ANO2: variants seen among roughly 807,000 people sequenced by gnomAD.
ANO2 encodes anoctamin-2.
In ANO2, 101 loss-of-function variants were observed where a neutral mutation model predicts 124.2. The observed-to-expected ratio is 0.81, with a 90% CI of 0.69 to 0.96. The LOEUF is 0.96. Among genes scored for constraint, ANO2 ranks in the 40% least tolerant of loss-of-function variants. The pLI, the probability that ANO2 is intolerant of heterozygous loss-of-function variation, is 0.00. For synonymous variants in ANO2, 486 were observed against 482.5 expected, an observed-to-expected ratio of 1.01 and a Z score of -0.09; for missense variants, 1,293 against 1,274.5, an observed-to-expected ratio of 1.01 and a Z score of -0.22.
chr12:5,746,382 G>T (rs920475133), intron 11 of ANO2, among the ~76,000 whole-genome samples: 3 of 152,134 alleles, frequency 2.0e-5, no homozygotes, highest in East Asian at 1.9e-4. Flanking sequence ...GTATTGGGGG[G>T]TTTTTGATGT....
intron 10 of ANO2, among the ~76,000 whole-genome samples, chr12:5,786,154 G>C (rs1369730574): frequency 6.6e-6 from 1 of 152,076 alleles, no homozygotes; most frequent in African/African-American, 2.4e-5. Context: ...TCCAATCCCT[G>C]GTTCAACTTG....
At position 5,578,364 on chromosome 12, in the gene ANO2, A is replaced by G. The variant is rs774207068; in HGVS notation, c.2386+2T>C. On this transcript the variant is annotated splice_donor_variant, in intron 21 of 24. Transcript: ENST00000682330. LOFTEE classifies it high-confidence loss of function. ...GGTGGGGCCTCTAAGTGGGGCACGT[A>G]CCGATATCTTTGGTTCTTACAGCAT... The G allele has an allele frequency of 5.6e-6, 9 of 1,613,466 alleles. No homozygotes were observed. The South Asian group carries it at 9.9e-5, about 18-fold the overall frequency.
intron 2 of ANO2, among the ~76,000 whole-genome samples, chr12:5,921,878 C>T (rs1422586332): frequency 3.3e-5 from 5 of 152,102 alleles, no homozygotes; most frequent in East Asian, 3.9e-4. Flanking sequence ...GGCCCACACA[C>T]GCTCACCTCC....
chr12:5,765,223 A>G (rs1951855361), intron 10 of ANO2, among the ~76,000 whole-genome samples: 2 of 152,242 alleles, frequency 1.3e-5, no homozygotes, highest in South Asian at 2.1e-4. Flanking sequence ...GGAAGATAAC[A>G]AAATGATTGA....
chr12:5,573,302 C>T (rs1942226852), intron 23 of ANO2, among the ~76,000 whole-genome samples: 1 of 152,120 alleles, frequency 6.6e-6, no homozygotes, highest in Admixed American at 6.5e-5. Context: ...GTGGAAAATC[C>T]AATGGTCAAG....
At chr12:5,631,198 C>T (rs1945701388) in intron 16 of ANO2, among the ~76,000 whole-genome samples, 1 of 152,226 alleles carries the variant, frequency 6.6e-6, no homozygotes, top group South Asian at 2.1e-4. Flanking sequence ...TAAGATCAGA[C>T]AGTACCTGAT....
rs539852003 is a variant in ANO2, at chr12:5,900,271, G to A, written c.534+20769C>T. Among the ~76,000 whole-genome samples, 9 of 152,178 alleles carry A rather than the reference G, an allele frequency of 5.9e-5. No homozygotes were observed. The highest frequency in any genetic ancestry group is 1.3e-4 in the Non-Finnish European group (9 of 68,036). On this transcript the variant is annotated intron_variant, in intron 3 of 24. Transcript: ENST00000682330. This position sits in a 1 kb window ranked among gnomAD's most constrained non-coding sequence, Gnocchi z 4.2. ...TTCTAGCTCTGGCTCAAGGTAAAGA[G>A]TGAGGAAAAATGCAGGCAGGCTGAG...
At chr12:5,735,237 G>C (rs1452962807) in intron 13 of ANO2, among the ~76,000 whole-genome samples, 1 of 152,070 alleles carries the variant, frequency 6.6e-6, no homozygotes, top group East Asian at 1.9e-4. Context: ...GCACTGGATG[G>C]GTTATCTGAT....
intron 14 of ANO2, among the ~76,000 whole-genome samples, chr12:5,682,175 A>G (rs1349474724): frequency 1.3e-5 from 2 of 152,224 alleles, no homozygotes; most frequent in Admixed American, 1.3e-4. Flanking sequence ...TGGCATTCTT[A>G]AATTTTCCCA....
At chr12:5,681,258 C>T (rs1373108219) in intron 14 of ANO2, among the ~76,000 whole-genome samples, 2 of 152,228 alleles carry the variant, frequency 1.3e-5, no homozygotes, top group Non-Finnish European at 2.9e-5. Context: ...GTCACTTCCG[C>T]TATGTGGTCT....
At chr12:5,619,943 T>G (rs1945026094) in intron 16 of ANO2, among the ~76,000 whole-genome samples, 1 of 152,132 alleles carries the variant, frequency 6.6e-6, no homozygotes, top group Non-Finnish European at 1.5e-5. Context: ...CCTCGTAAAG[T>G]ATGGACACTG....
intron 10 of ANO2, among the ~76,000 whole-genome samples, chr12:5,763,706 C>T (rs376910583): frequency 1.9e-4 from 29 of 151,922 alleles, no homozygotes; most frequent in African/African-American, 6.5e-4. Flanking sequence ...TAAAGCTATG[C>T]GTAGAGAGAT....
intron 11 of ANO2, 145 bp downstream of exon 11, chr12:5,750,691 G>A: frequency 1.2e-6 from 1 of 865,714 alleles, no homozygotes; most frequent in Non-Finnish European, 1.7e-6. Context: ...TCTGTCTCTG[G>A]AGGAAAGCTA....
At position 5,609,688 on chromosome 12, in the gene ANO2, C is replaced by T. The variant is rs182333692; in HGVS notation, c.2087+2968G>A. Among the ~76,000 whole-genome samples the T allele has an allele frequency of 4.7e-4, 67 of 141,800 alleles. No homozygotes were observed. In the East Asian group the frequency reaches 0.013, roughly 26 times the overall value. 93.0% of individuals were successfully genotyped at this position (141,800 alleles called of 152,430 possible). On this transcript the variant is annotated intron_variant, in intron 19 of 24. Transcript: ENST00000682330. ...TCAGCCCAAGCAACCTAGGACTCCACAATCTTTCGATAGATTTAGAGAGAT... is the reference window on the plus strand; with the variant it reads ...TCAGCCCAAGCAACCTAGGACTCCATAATCTTTCGATAGATTTAGAGAGAT...
At chr12:5,895,603 A>G (rs962417748) in intron 3 of ANO2, among the ~76,000 whole-genome samples, 2 of 152,178 alleles carry the variant, frequency 1.3e-5, no homozygotes, top group African/African-American at 4.8e-5. Flanking sequence ...CACTCCTGCA[A>G]GAATGGCCAT....
intron 20 of ANO2, among the ~76,000 whole-genome samples, chr12:5,596,279 T>TTATTAC (rs1943654735): frequency 6.6e-6 from 1 of 152,192 alleles, no homozygotes. Flanking sequence ...ATTAAAGGGA[T>TTATTAC]TATTACGCAG....
chr12:5,866,526 G>A (rs1007279085), intron 3 of ANO2, among the ~76,000 whole-genome samples: 2 of 152,242 alleles, frequency 1.3e-5, no homozygotes, highest in Non-Finnish European at 2.9e-5. Context: ...AGCTGACTCT[G>A]GGCTAGAGCC....
At chr12:5,576,735 T>G (rs1198901386) in intron 22 of ANO2, among the ~76,000 whole-genome samples, 2 of 152,244 alleles carry the variant, frequency 1.3e-5, no homozygotes, top group Non-Finnish European at 2.9e-5. Flanking sequence ...AAGAAAGTCT[T>G]AAATCTTTTT....
At chr12:5,586,012 C>T (rs894517031) in intron 20 of ANO2, among the ~76,000 whole-genome samples, 47 of 152,192 alleles carry the variant, frequency 3.1e-4, no homozygotes, top group Non-Finnish European at 1.0e-4. Context: ...TTACTCTGAG[C>T]TTCCCGGTTG....
Sources: gnomAD v4.1 joint callset for allele counts (sites outside exome capture counted in the v4.1 genomes callset) on GRCh38, gnomAD v4.1.1 for gene constraint, Gnocchi (gnomAD v3.1) non-coding constraint, MANE v1.5 for transcripts, NCBI Gene and HGNC (gene_info 2026-07-23, HGNC 2026-07-21) for gene names.